Variants in NELL1 observed in about 807,000 individuals in gnomAD.
The protein encoded by NELL1 is neural EGFL like 1.
In NELL1, 76 loss-of-function variants were observed where a neutral mutation model predicts 107.4. The observed-to-expected ratio is 0.71, with a 90% CI of 0.59 to 0.86. The LOEUF (loss-of-function observed/expected upper bound fraction) is 0.86. Ranked by LOEUF, NELL1 falls within the 40% of genes least tolerant of loss-of-function variation. The pLI is 0.00. For missense variants in NELL1, 1,024 were observed against 1,005.5 expected, an observed-to-expected ratio of 1.02 and a Z score of -0.25; for synonymous variants, 353 against 341.2, an observed-to-expected ratio of 1.03 and a Z score of -0.38.
intron 13 of NELL1, among the ~76,000 whole-genome samples, chr11:21,215,004 T>C (rs1432992427): frequency 6.6e-6 from 1 of 152,178 alleles, no homozygotes; most frequent in African/African-American, 2.4e-5. Context: ...ATTTTGATAT[T>C]GTACTATAGG....
chr11:21,288,967 T>C (rs7113875), intron 14 of NELL1, among the ~76,000 whole-genome samples: 138,704 of 152,154 alleles, frequency 0.91, 63,480 homozygotes, highest in Non-Finnish European at 0.95. Flanking sequence ...TTCTAAGAAG[T>C]GAAGACCAAG....
chr11:21,406,729 G>A (rs371455175), intron 15 of NELL1, among the ~76,000 whole-genome samples: 3 of 151,904 alleles, frequency 2.0e-5, no homozygotes, highest in Non-Finnish European at 4.4e-5. Flanking sequence ...GATTTCTGGG[G>A]TACATGTGAT....
At chr11:21,377,506 C>A (rs919537216) in intron 15 of NELL1, among the ~76,000 whole-genome samples, 6 of 151,900 alleles carry the variant, frequency 3.9e-5, no homozygotes, top group East Asian at 1.9e-4. Context: ...CTTTAGTTTT[C>A]TTTTATCATT....
intron 14 of NELL1, among the ~76,000 whole-genome samples, chr11:21,318,149 C>A (rs908858697): frequency 6.6e-6 from 1 of 152,168 alleles, no homozygotes; most frequent in African/African-American, 2.4e-5. Flanking sequence ...TAATTTGTTT[C>A]CCTGACCTTG....
rs1176590733 is a variant in NELL1, at chr11:21,570,645, T to C, written c.1981-119T>C. The C allele has an allele frequency of 3.0e-5, 25 of 822,210 alleles. No individual in the cohort carries two copies. In the East Asian group the frequency reaches 6.6e-4, roughly 22 times the overall value. 50.9% of individuals were successfully genotyped at this position (822,210 alleles called of 1,614,324 possible). ...TGTGAACACACATGTGTGCTTCAGT[T>C]TTGAACAGAATGAGAGGTGGCCAGG... is the stretch of plus-strand genomic sequence containing the variant. On this transcript the variant is annotated intron_variant, in intron 17 of 19. Coordinates refer to ENST00000357134, the MANE Select transcript of NELL1 (RefSeq NM_006157.5).
intron 2 of NELL1, among the ~76,000 whole-genome samples, chr11:20,699,283 G>A (rs1055552814): frequency 1.3e-5 from 2 of 152,090 alleles, no homozygotes; most frequent in Admixed American, 1.3e-4. Flanking sequence ...CCATGTTGCT[G>A]TGAATGCCAT....
chr11:20,953,450 T>C (rs1470826093), intron 11 of NELL1, among the ~76,000 whole-genome samples: 1 of 152,170 alleles, frequency 6.6e-6, no homozygotes, highest in Non-Finnish European at 1.5e-5. Flanking sequence ...CCTTGATAAC[T>C]ATAAACAACA....
intron 15 of NELL1, among the ~76,000 whole-genome samples, chr11:21,485,216 A>T (rs772035778): frequency 2.3e-4 from 35 of 152,150 alleles, no homozygotes; most frequent in Non-Finnish European, 4.6e-4. Flanking sequence ...GCTGCAACAT[A>T]GTGCCATTCT....
In NELL1 at chr11:21,560,171, G is replaced by A; in HGVS notation, c.1787-18G>A. On this transcript the variant is annotated intron_variant, in intron 16 of 19. Coordinates refer to ENST00000357134, the MANE Select transcript of NELL1 (RefSeq NM_006157.5). ...TCCCTTGGCTAGATTCTAAGCTTCTGTGCTTCCTATATTGCAGACATTGAT... is the reference window on the plus strand; with the variant it reads ...TCCCTTGGCTAGATTCTAAGCTTCTATGCTTCCTATATTGCAGACATTGAT... 6.2e-7 allele frequency: 1 copy of A among 1,612,288 alleles called. No homozygotes were observed. The highest frequency in any genetic ancestry group is 8.5e-7 in the Non-Finnish European group (1 of 1,178,548).
At position 21,206,341 on chromosome 11, in the gene NELL1, A is replaced by T. The variant is rs967882269; in HGVS notation, c.1427-22991A>T. Among the ~76,000 whole-genome samples the T allele has an allele frequency of 9.2e-5, 14 of 152,060 alleles. No individual in the cohort carries two copies. In the East Asian group the frequency reaches 2.1e-3, roughly 23 times the overall value. On this transcript the variant is annotated intron_variant, in intron 13 of 19. Coordinates refer to ENST00000357134, the MANE Select transcript of NELL1 (RefSeq NM_006157.5). The stretch of plus-strand genomic sequence containing the variant: ...CAGTGTGCCTTCTGCTCTTATAAAG[A>T]CACCAGTCATTGGATTTAGGGCCCA...
chr11:20,965,323 A>G (rs1851367611), intron 12 of NELL1, among the ~76,000 whole-genome samples: 1 of 152,240 alleles, frequency 6.6e-6, no homozygotes, highest in Non-Finnish European at 1.5e-5. Flanking sequence ...TATTCACTAA[A>G]TATTGAATAG....
intron 15 of NELL1, chr11:21,383,764 T>C (rs1373570673): frequency 6.6e-6 from 1 of 151,088 alleles, no homozygotes; most frequent in Non-Finnish European, 1.5e-5. Context: ...TTTCCAGTAA[T>C]CCAGAATAGT....
At chr11:21,528,499 T>C (rs1286205803) in intron 15 of NELL1, among the ~76,000 whole-genome samples, 1 of 115,776 alleles carries the variant, frequency 8.6e-6, no homozygotes, top group Non-Finnish European at 1.8e-5. Context: ...TGTGATCTCT[T>C]TGCACATACC....
At chr11:21,413,258 C>G (rs1042708875) in intron 15 of NELL1, among the ~76,000 whole-genome samples, 1 of 151,900 alleles carries the variant, frequency 6.6e-6, no homozygotes, top group Non-Finnish European at 1.5e-5. Context: ...TAAACCATAA[C>G]CCAGGATGTC....
intron 12 of NELL1, among the ~76,000 whole-genome samples, chr11:21,033,834 GA>G (rs1392881036): frequency 6.6e-6 from 1 of 152,124 alleles, no homozygotes; most frequent in East Asian, 1.9e-4. Context: ...CCACAATGGT[GA>G]AACTGATTTA....
Position 21,575,156 on chromosome 11 carries a change from T to C in NELL1, c.*134T>C. The C allele has an allele frequency of 2.5e-6, 2 of 792,272 alleles. No individual in the cohort carries two copies. Among genetic ancestry groups the C allele is most frequent in the East Asian group, 2.7e-5 (1 of 37,136 alleles). The allele number at this position is 792,272 out of a possible 1,614,324, so 49.1% of individuals were successfully genotyped here. A position where few individuals can be genotyped will look rare whatever the true frequency, so the allele number is the denominator to read the frequency against. On this transcript the variant is annotated 3_prime_UTR_variant, in exon 20 of 20. Coordinates refer to ENST00000357134, the MANE Select transcript of NELL1 (RefSeq NM_006157.5). ...ACAGATAATTGCCAAAGTTTCCACC[T>C]GAGGACGGTGTTTGGAGGTTGCCTT...
chr11:21,533,595 T>C (rs930495479), intron 15 of NELL1, among the ~76,000 whole-genome samples: 1 of 152,146 alleles, frequency 6.6e-6, no homozygotes, highest in Admixed American at 6.6e-5. Flanking sequence ...AGAAAATCTA[T>C]ACATGAACCG....
intron 2 of NELL1, among the ~76,000 whole-genome samples, chr11:20,722,700 A>G (rs1855419111): frequency 1.3e-5 from 2 of 152,318 alleles, no homozygotes; most frequent in South Asian, 4.1e-4. Flanking sequence ...CGAAGAAGCC[A>G]GAGTCAGAGA....
Position 21,337,844 on chromosome 11 carries a change from T to TTG in NELL1, c.1550-33009_1550-33008insTG, listed in dbSNP as rs1565175648. On this transcript the variant is annotated intron_variant, in intron 14 of 19. Transcript: ENST00000357134. The stretch of plus-strand genomic sequence containing the variant: ...TCTTTCTTTCTTTCTTTCTTTTCTT[T>TTG]CTTTCTTTCTTTCTTTCTTTCTTTC... 3.4e-3 allele frequency among the ~76,000 whole-genome samples: 483 copies of TTG among 142,170 alleles called. 7 individuals carry two copies. Among genetic ancestry groups the TTG allele is most frequent in the African/African-American group, 0.012 (454 of 36,870 alleles). The allele number at this position is 142,170 out of a possible 152,430, so 93.3% of individuals were successfully genotyped here.
Sources: allele counts gnomAD v4.1 joint callset (sites outside exome capture counted in the v4.1 genomes callset), GRCh38; gene constraint gnomAD v4.1.1; transcripts MANE v1.5; gene names NCBI Gene and HGNC (gene_info 2026-07-23, HGNC 2026-07-21).